The following RRM2 variants were observed in gnomAD, a reference collection of about 807,000 sequenced individuals.
RRM2 encodes ribonucleoside-diphosphate reductase subunit M2.
A neutral mutation model predicts 45.9 loss-of-function variants in RRM2; 6 were observed. The ratio of observed to expected loss-of-function variants is 0.13; its 90% CI spans 0.07 to 0.26. The LOEUF is 0.26. Among genes scored for constraint, RRM2 ranks in the 10% least tolerant of loss-of-function variants. RRM2 has a pLI of 1.00. For synonymous variants in RRM2, 177 were observed against 173.0 expected (o/e 1.02, Z -0.18); for missense variants, 343 against 489.5 (o/e 0.70, Z 2.82).
At chr2:10,124,108 C>CTTTTT in intron 4 of RRM2, 1 of 251,738 alleles carries the variant, frequency 4.0e-6, no homozygotes. Flanking sequence ...TCTGCCCCCT[C>CTTTTT]TTTTTTTTTT....
chr2:10,160,922 G>A (rs1663542730), intron 3 of RRM2, among the ~76,000 whole-genome samples: 1 of 152,078 alleles, frequency 6.6e-6, no homozygotes, highest in South Asian at 2.1e-4. Flanking sequence ...AGCTGGCCTG[G>A]CCCTGAGACC....
downstream of RRM2, among the ~76,000 whole-genome samples, chr2:10,132,049 G>A (rs984480189): frequency 1.3e-5 from 2 of 152,182 alleles, no homozygotes; most frequent in South Asian, 4.1e-4. Context: ...TCCAGCACAG[G>A]TTTGGATTGG....
downstream of RRM2, among the ~76,000 whole-genome samples, chr2:10,134,481 C>G (rs1213972511): frequency 4.6e-5 from 7 of 152,144 alleles, no homozygotes; most frequent in African/African-American, 1.7e-4. Flanking sequence ...TTTAATCCTT[C>G]TGGATTCTTA....
At chr2:10,166,333 C>T (rs774506079) in intron 3 of RRM2, among the ~76,000 whole-genome samples, 1 of 152,222 alleles carries the variant, frequency 6.6e-6, no homozygotes, top group African/African-American at 2.4e-5. Flanking sequence ...GCCCTTCTCC[C>T]GGGCCCTGCT....
chr2:10,150,445 CAAAA>C (rs564823462), intron 3 of RRM2, among the ~76,000 whole-genome samples: 1 of 84,422 alleles, frequency 1.2e-5, no homozygotes, highest in African/African-American at 3.9e-5. Flanking sequence ...GACTCTGCCT[CAAAA>C]AAAAAAAAAA....
chr2:10,196,501 G>T (rs1664416484), intron 3 of RRM2, among the ~76,000 whole-genome samples: 1 of 152,180 alleles, frequency 6.6e-6, no homozygotes, highest in South Asian at 2.1e-4. Context: ...TGAGGACACT[G>T]TGCCCAGGAG....
chr2:10,202,932 C>T (rs745991656), intron 3 of RRM2, among the ~76,000 whole-genome samples: 5 of 152,188 alleles, frequency 3.3e-5, no homozygotes, highest in Admixed American at 1.3e-4. Flanking sequence ...TCTTCCTCTG[C>T]GATCATCCAG....
chr2:10,134,387 C>T (rs1662956331), downstream of RRM2, among the ~76,000 whole-genome samples: 1 of 152,062 alleles, frequency 6.6e-6, no homozygotes, highest in Admixed American at 6.6e-5. Context: ...GGAGTTGGGA[C>T]CAAAACCGTG....
Position 10,123,413 on chromosome 2 carries a change from G to A in RRM2, c.201G>A (p.Val67=). 2 of 1,612,284 alleles carry A rather than the reference G, an allele frequency of 1.2e-6. No individual in the cohort carries two copies. The highest frequency in any genetic ancestry group is 1.7e-6 in the Non-Finnish European group (2 of 1,179,624). ...AAACTAAAGCAGCTGCCCCCGGCGT[G>A]GAGGATGAGCCGCTGCTGAGAGAAA... The part of the protein sequence containing the change: ...EPKTKAAAPG[V]EDEPLLRENP... The change falls in exon 3 of 10, where the codon GTG becomes GTA. Residue 67 remains valine (V), a synonymous_variant. Transcript: ENST00000304567.
chr2:10,184,009 C>T (rs1474368048), intron 3 of RRM2, among the ~76,000 whole-genome samples: 2 of 135,074 alleles, frequency 1.5e-5, no homozygotes, highest in African/African-American at 5.6e-5. Flanking sequence ...AGGAGAATGG[C>T]GTGAACCCAG....
chr2:10,152,493 A>G (rs1230257581), intron 3 of RRM2, among the ~76,000 whole-genome samples: 2 of 109,182 alleles, frequency 1.8e-5, no homozygotes, highest in Non-Finnish European at 4.0e-5. Flanking sequence ...TTTTTTTTTA[A>G]TTTTTTATTT....
At chr2:10,122,936 G>A in intron 1 of RRM2, 39 bp downstream of exon 1, 1 of 1,549,792 alleles carries the variant, frequency 6.5e-7, no homozygotes, top group Non-Finnish European at 8.7e-7. Context: ...AGGGGAGGGA[G>A]GCAGGGAAAG....
intron 3 of RRM2, among the ~76,000 whole-genome samples, chr2:10,173,511 A>G (rs1359516030): frequency 6.6e-6 from 1 of 152,118 alleles, no homozygotes; most frequent in African/African-American, 2.4e-5. Context: ...TACCTCCCTC[A>G]GCAGAGGCCC....
chr2:10,208,603 G>T (rs539138148), intron 3 of RRM2, among the ~76,000 whole-genome samples: 7 of 152,262 alleles, frequency 4.6e-5, no homozygotes, highest in Non-Finnish European at 8.8e-5. Context: ...TGAGTAAAGG[G>T]TTATTGATTC....
At chr2:10,138,007 T>G (rs1313485574), upstream of RRM2, among the ~76,000 whole-genome samples, 4 of 152,082 alleles carry the variant, frequency 2.6e-5, no homozygotes, top group African/African-American at 9.7e-5. Flanking sequence ...CTCTTTGTTT[T>G]GTTTTGTTTT....
At chr2:10,191,097 G>C (rs1382097591) in intron 3 of RRM2, among the ~76,000 whole-genome samples, 2 of 152,174 alleles carry the variant, frequency 1.3e-5, no homozygotes, top group African/African-American at 4.8e-5. Flanking sequence ...CAGGACGCTG[G>C]CATTGCCCTC....
intron 3 of RRM2, among the ~76,000 whole-genome samples, chr2:10,144,933 A>G (rs1437258994): frequency 6.6e-6 from 1 of 152,142 alleles, no homozygotes; most frequent in African/African-American, 2.4e-5. Context: ...GTGTTATGCA[A>G]AGTGTACACC....
At position 10,172,016 on chromosome 2, in the gene RRM2, C is replaced by A. The variant is rs1481795431; in HGVS notation, n.482+29641C>A. Among the ~76,000 whole-genome samples the A allele has an allele frequency of 6.6e-6, 1 of 152,136 alleles. No individual in the cohort carries two copies. Among genetic ancestry groups the A allele is most frequent in the Non-Finnish European group, 1.5e-5 (1 of 68,022 alleles). On this transcript the variant is annotated intron_variant and non_coding_transcript_variant, in intron 3 of 3. Transcript: ENST00000381786. The surrounding 1 kb of genome is among the most constrained non-coding windows in gnomAD (Gnocchi z 4.9). ...GGCAGAGGAGCCCTGCTAGTCCAGG[C>A]CGGGCCAGCGCCCAAGGATGAGGGG...
intron 3 of RRM2, among the ~76,000 whole-genome samples, chr2:10,170,508 T>G (rs950915325): frequency 1.3e-5 from 2 of 151,998 alleles, no homozygotes; most frequent in Non-Finnish European, 2.9e-5. Flanking sequence ...TGTTTTCCTG[T>G]CAGGCGAGAG....
Sources: gnomAD v4.1 joint callset for allele counts (sites outside exome capture counted in the v4.1 genomes callset) on GRCh38, gnomAD v4.1.1 for gene constraint, Gnocchi (gnomAD v3.1) non-coding constraint, MANE v1.5 for transcripts, NCBI Gene and HGNC (gene_info 2026-07-23, HGNC 2026-07-21) for gene names.